The following HTR4 variants were observed in gnomAD, a reference collection of about 807,000 sequenced individuals.
HTR4 encodes 5-hydroxytryptamine receptor 4.
In HTR4, 16 loss-of-function variants were observed where a neutral mutation model predicts 36.8. That is an observed-to-expected ratio of 0.43 (90% CI 0.29 to 0.66). The LOEUF is 0.66. Among genes scored for constraint, HTR4 ranks in the 30% least tolerant of loss-of-function variants. HTR4 has a pLI of 0.13. For missense variants in HTR4, 438 were observed against 490.9 expected, an observed-to-expected ratio of 0.89 and a Z score of 1.02; for synonymous variants, 189 against 185.1, an observed-to-expected ratio of 1.02 and a Z score of -0.17.
In HTR4 at chr5:148,633,612, G is replaced by A. The variant is rs567305423; in HGVS notation, c.26+3377C>T. ...TTCTCATTGTTCAATTCCCATCTAT[G>A]AGTGAGAACATGCGGTGTTTGGTTT... On this transcript the variant is annotated intron_variant, in intron 2 of 6. Transcript: ENST00000377888. Among the ~76,000 whole-genome samples the A allele has an allele frequency of 6.8e-4, 96 of 140,314 alleles. 1 individual carries two copies. The highest frequency in any genetic ancestry group is 2.5e-3 in the African/African-American group (92 of 37,506). The allele number at this position is 140,314 out of a possible 152,430, so 92.1% of individuals were successfully genotyped here. A position where few individuals can be genotyped will look rare whatever the true frequency, so the allele number is the denominator to read the frequency against.
chr5:148,468,661 C>T (rs1021844552), intron 5 of HTR4, among the ~76,000 whole-genome samples: 2 of 152,168 alleles, frequency 1.3e-5, no homozygotes, highest in Non-Finnish European at 2.9e-5. Flanking sequence ...TGGCAAAACC[C>T]TGTCTACAAA....
chr5:148,559,420 T>A (rs545583652), intron 2 of HTR4, among the ~76,000 whole-genome samples: 1 of 152,316 alleles, frequency 6.6e-6, no homozygotes, highest in Admixed American at 6.5e-5. Context: ...ATGACTTATG[T>A]AAATTGATTT....
At chr5:148,467,816 G>T (rs567782822) in intron 5 of HTR4, among the ~76,000 whole-genome samples, 2 of 152,186 alleles carry the variant, frequency 1.3e-5, no homozygotes. Flanking sequence ...TACATACAGA[G>T]ATTGTCACTT....
At position 148,552,428 on chromosome 5, in the gene HTR4, G is replaced by A. The variant is rs369743773; in HGVS notation, c.27-2166C>T. 5.3e-4 allele frequency among the ~76,000 whole-genome samples: 81 copies of A among 152,272 alleles called. 1 individual carries two copies. Among genetic ancestry groups the A allele is most frequent in the Non-Finnish European group, 9.3e-4 (63 of 68,024 alleles). ...TGATGTGGCCACCAAAAATTCATTT[G>A]ATCTTAGGTCATGTTAGTTGAGTTA... On this transcript the variant is annotated intron_variant, in intron 2 of 6. Transcript: ENST00000377888.
At chr5:148,471,691 G>C (rs1042433997), downstream of HTR4, among the ~76,000 whole-genome samples, 1 of 152,120 alleles carries the variant, frequency 6.6e-6, no homozygotes, top group African/African-American at 2.4e-5. Context: ...CACTATTGTT[G>C]TATCCACCAA....
chr5:148,527,020 T>G (rs182156077), intron 4 of HTR4, among the ~76,000 whole-genome samples: 172 of 152,244 alleles, frequency 1.1e-3, no homozygotes, highest in African/African-American at 4.1e-3. Context: ...ATAGCTAGAA[T>G]AATAGATTTG....
intron 1 of HTR4, among the ~76,000 whole-genome samples, chr5:148,652,085 G>A (rs1206830345): frequency 1.3e-5 from 2 of 152,154 alleles, no homozygotes; most frequent in African/African-American, 4.8e-5. Context: ...GTCAGACAGT[G>A]ATAATATCAA....
intron 5 of HTR4, among the ~76,000 whole-genome samples, chr5:148,510,864 G>C (rs1011357148): frequency 5.3e-5 from 8 of 152,260 alleles, no homozygotes; most frequent in African/African-American, 1.7e-4. Flanking sequence ...CAGCCAAGAG[G>C]GGCCTTAGGG....
At chr5:148,638,141 G>A (rs1282397835) in intron 1 of HTR4, among the ~76,000 whole-genome samples, 1 of 152,162 alleles carries the variant, frequency 6.6e-6, no homozygotes, top group Non-Finnish European at 1.5e-5. Context: ...CGAAGAGAAT[G>A]GCAGATCACT....
At position 148,649,423 on chromosome 5, in the gene HTR4, A is replaced by G. The variant is rs544672010; in HGVS notation, c.-48+4639T>C. 1.1e-3 allele frequency among the ~76,000 whole-genome samples: 160 copies of G among 152,346 alleles called. 1 individual carries two copies. Among genetic ancestry groups the G allele is most frequent in the African/African-American group, 3.7e-3 (152 of 41,576 alleles). On this transcript the variant is annotated intron_variant, in intron 1 of 6. Coordinates refer to ENST00000377888, the MANE Select transcript of HTR4 (RefSeq NM_000870.7). ...ACTTAAATTTCTGTTGGGTTTCTCC[A>G]TAGTGCTAATGTGGATTTGAAAGGG...
At chr5:148,568,057 T>C (rs1760520806) in intron 2 of HTR4, among the ~76,000 whole-genome samples, 2 of 152,178 alleles carry the variant, frequency 1.3e-5, no homozygotes, top group African/African-American at 4.8e-5. Context: ...TGATTATTTA[T>C]CCACTTTATC....
In HTR4 at chr5:148,509,558, A is replaced by C. The variant is rs1757391346; in HGVS notation, c.974T>G (p.Ile325Ser). The C allele has an allele frequency of 6.2e-7, 1 of 1,613,990 alleles. No homozygotes were observed. Among genetic ancestry groups the C allele is most frequent in the Non-Finnish European group, 8.5e-7 (1 of 1,179,990 alleles). Residue 325 changes from isoleucine (I) to serine (S), a missense_variant, in exon 6 of 7, where the codon ATC (isoleucine) becomes AGC (serine). Coordinates refer to ENST00000377888, the MANE Select transcript of HTR4 (RefSeq NM_000870.7). Reference protein sequence around the residue: ...LNKSFRRAFLIILCCDDERYR... With the variant: ...LNKSFRRAFLSILCCDDERYR... ...GCGCTCATCATCACAGCAGAGGATG[A>C]TGAGGAAGGCACGTCTAAAAGACTT...
Position 148,647,376 on chromosome 5 carries a change from G to C in HTR4, c.-48+6686C>G, listed in dbSNP as rs556317467. 2.6e-5 allele frequency among the ~76,000 whole-genome samples: 4 copies of C among 152,290 alleles called. 1 individual carries two copies. Among genetic ancestry groups the C allele is most frequent in the African/African-American group, 9.6e-5 (4 of 41,566 alleles). ...AATACCAAAACTGCCGATCTTTGGGGGAGCAAAGAAACTCTACTACTTGGA... is the reference window on the plus strand; with the variant it reads ...AATACCAAAACTGCCGATCTTTGGGCGAGCAAAGAAACTCTACTACTTGGA... On this transcript the variant is annotated intron_variant, in intron 1 of 6. Coordinates refer to ENST00000377888, the MANE Select transcript of HTR4 (RefSeq NM_000870.7).
intron 2 of HTR4, among the ~76,000 whole-genome samples, chr5:148,588,626 C>T (rs1322953753): frequency 6.7e-6 from 1 of 149,468 alleles, no homozygotes; most frequent in Non-Finnish European, 1.5e-5. Context: ...CTGCAAGCTC[C>T]GCTTCCCGGG....
At chr5:148,555,269 C>G (rs554840183) in intron 2 of HTR4, among the ~76,000 whole-genome samples, 19 of 152,238 alleles carry the variant, frequency 1.2e-4, no homozygotes, top group African/African-American at 4.6e-4. Context: ...TGTCTTTACT[C>G]TTGTAAAAGA....
chr5:148,636,098 T>A (rs760674900), intron 2 of HTR4, among the ~76,000 whole-genome samples: 34 of 152,152 alleles, frequency 2.2e-4, no homozygotes, highest in Non-Finnish European at 4.1e-4. Flanking sequence ...CTCAAGAAAT[T>A]CCCTGGTTGG....
At chr5:148,469,489 C>T (rs1755512194) in intron 5 of HTR4, among the ~76,000 whole-genome samples, 1 of 152,210 alleles carries the variant, frequency 6.6e-6, no homozygotes. Flanking sequence ...CTCACCTGAA[C>T]ATTTCCCCAG....
chr5:148,514,488 T>A (rs1177419868), intron 5 of HTR4, among the ~76,000 whole-genome samples: 1 of 152,092 alleles, frequency 6.6e-6, no homozygotes, highest in African/African-American at 2.4e-5. Flanking sequence ...TGAAGGACAT[T>A]TCCACCAACT....
At chr5:148,615,281 A>T (rs1056191165) in intron 2 of HTR4, among the ~76,000 whole-genome samples, 3 of 152,160 alleles carry the variant, frequency 2.0e-5, no homozygotes, top group African/African-American at 7.2e-5. Flanking sequence ...GAACCAACCC[A>T]AATGTCCAAC....
Sources: allele counts gnomAD v4.1 joint callset (sites outside exome capture counted in the v4.1 genomes callset), GRCh38; gene constraint gnomAD v4.1.1; transcripts MANE v1.5; gene names NCBI Gene and HGNC (gene_info 2026-07-23, HGNC 2026-07-21).